CNTN3: variants seen among roughly 807,000 people sequenced by gnomAD.
CNTN3 encodes the protein contactin-3.
In CNTN3, 60 loss-of-function variants were observed where a neutral mutation model predicts 119.1. The observed-to-expected ratio is 0.50, with a 90% CI of 0.41 to 0.62. The LOEUF (loss-of-function observed/expected upper bound fraction) is 0.62. Ranked by LOEUF, CNTN3 falls within the 20% of genes least tolerant of loss-of-function variation. CNTN3 has a pLI of 0.00. For synonymous variants in CNTN3, 450 were observed against 438.7 expected (o/e 1.03, Z -0.32); for missense variants, 1,101 against 1,242.4 (o/e 0.89, Z 1.71).
intron 2 of CNTN3, among the ~76,000 whole-genome samples, chr3:74,516,921 C>T (rs1460043990): frequency 6.6e-6 from 1 of 151,826 alleles, no homozygotes; most frequent in African/African-American, 2.4e-5. Flanking sequence ...TAAAAGGGAC[C>T]TTTACCAAAT....
Position 74,348,236 on chromosome 3 carries a change from A to G in CNTN3, c.1365-11578T>C, listed in dbSNP as rs189006294. 8.7e-3 allele frequency among the ~76,000 whole-genome samples: 1,332 copies of G among 152,338 alleles called. 20 individuals carry two copies. The highest frequency in any genetic ancestry group is 0.029 in the African/African-American group (1,194 of 41,574). On this transcript the variant is annotated intron_variant, in intron 11 of 22. Transcript: ENST00000263665. ...AACTATGTGCGGTGATAGATATGAT[A>G]TGATAATTAGCTTGATTGTGGTATT... is the stretch of plus-strand genomic sequence containing the variant.
At chr3:74,368,843 T>C (rs769025723) in intron 8 of CNTN3, among the ~76,000 whole-genome samples, 4 of 151,620 alleles carry the variant, frequency 2.6e-5, no homozygotes, top group Non-Finnish European at 5.9e-5. Flanking sequence ...CAAAGAAAGA[T>C]ACAAAACCTG....
chr3:74,310,443 G>T (rs951263545), intron 13 of CNTN3, among the ~76,000 whole-genome samples: 8 of 152,112 alleles, frequency 5.3e-5, no homozygotes, highest in African/African-American at 1.2e-4. Flanking sequence ...TTCACTAGGT[G>T]GGGGGCTTGA....
At chr3:74,555,312 T>G (rs184791159) in intron 1 of CNTN3, among the ~76,000 whole-genome samples, 6 of 152,340 alleles carry the variant, frequency 3.9e-5, no homozygotes, top group Admixed American at 3.9e-4. Context: ...GGATTTGGTT[T>G]GCCAGTATTT....
chr3:74,307,989 C>A (rs2106830795), intron 13 of CNTN3, among the ~76,000 whole-genome samples: 1 of 152,318 alleles, frequency 6.6e-6, no homozygotes, highest in East Asian at 1.9e-4. Flanking sequence ...CATTCCTTCA[C>A]TGGGTTGCCT....
chr3:74,357,490 T>C (rs1248465226), intron 11 of CNTN3, among the ~76,000 whole-genome samples: 1 of 151,648 alleles, frequency 6.6e-6, no homozygotes, highest in Non-Finnish European at 1.5e-5. Context: ...TCCATGTTGG[T>C]TGGGCTGGTC....
chr3:74,345,738 T>C (rs1703674523), intron 11 of CNTN3, among the ~76,000 whole-genome samples: 1 of 152,234 alleles, frequency 6.6e-6, no homozygotes, highest in Admixed American at 6.5e-5. Flanking sequence ...GTTGTGTATC[T>C]CCTTATCACA....
At chr3:74,563,534 C>A (rs1311484204) in intron 1 of CNTN3, among the ~76,000 whole-genome samples, 3 of 152,064 alleles carry the variant, frequency 2.0e-5, no homozygotes, top group Non-Finnish European at 4.4e-5. Context: ...TAAGTTCTTA[C>A]AAATAAGAAC....
rs377314487 is a variant in CNTN3 at position 74,267,453 on chromosome 3, AT to A, written c.2705-76del. On this transcript the variant is annotated intron_variant, in intron 20 of 22. Transcript: ENST00000263665. ...ATTTTACACGGAGGAGATGGCGGCT[AT>A]CATAGGAAGCTAGTGGAAGTAGAAC... 2.7e-4 allele frequency: 280 copies of A among 1,021,216 alleles called. 1 individual carries two copies. The African/African-American group carries it at 4.1e-3, about 15-fold the overall frequency. The allele number at this position is 1,021,216 out of a possible 1,614,324, so 63.3% of individuals were successfully genotyped here.
rs192088567 is a variant in CNTN3 at position 74,549,449 on chromosome 3, C to G, written c.-80-28257G>C. Among the ~76,000 whole-genome samples the G allele has an allele frequency of 6.8e-4, 103 of 152,128 alleles. 1 individual carries two copies. In the East Asian group the frequency reaches 0.019, roughly 28 times the overall value. On this transcript the variant is annotated intron_variant, in intron 1 of 22. Coordinates refer to ENST00000263665, the MANE Select transcript of CNTN3 (RefSeq NM_020872.3). ...GTGGGAGAATGGACTGATACACAGA[C>G]CAAATGAGCAACATAGGGCAAGTAT...
chr3:74,471,788 T>C (rs1308504255), intron 4 of CNTN3, among the ~76,000 whole-genome samples: 1 of 152,184 alleles, frequency 6.6e-6, no homozygotes, highest in Non-Finnish European at 1.5e-5. Context: ...AGATGGATCG[T>C]GGGGAAATGG....
intron 8 of CNTN3, among the ~76,000 whole-genome samples, chr3:74,368,520 T>G (rs542082727): frequency 1.3e-5 from 2 of 152,134 alleles, no homozygotes; most frequent in South Asian, 4.1e-4. Flanking sequence ...CTAAGTCATG[T>G]TTTCATCAAA....
At chr3:74,485,500 C>T (rs140039505) in intron 4 of CNTN3, among the ~76,000 whole-genome samples, 1 of 151,896 alleles carries the variant, frequency 6.6e-6, no homozygotes, top group Non-Finnish European at 1.5e-5. Flanking sequence ...GCAAAGCCAA[C>T]CCTTGCCATT....
At chr3:74,285,823 A>ATC in intron 19 of CNTN3, among the ~76,000 whole-genome samples, 1 of 133,090 alleles carries the variant, frequency 7.5e-6, no homozygotes, top group East Asian at 2.3e-4. Context: ...ATATATATAT[A>ATC]TATATATATA....
intron 5 of CNTN3, among the ~76,000 whole-genome samples, chr3:74,423,545 T>C (rs888087698): frequency 6.6e-5 from 10 of 152,156 alleles, no homozygotes; most frequent in Non-Finnish European, 1.5e-4. Flanking sequence ...GTGGTGTATC[T>C]CTTCGTAAAA....
intron 1 of CNTN3, among the ~76,000 whole-genome samples, chr3:74,591,762 A>C (rs1376847025): frequency 6.6e-6 from 1 of 151,932 alleles, no homozygotes; most frequent in African/African-American, 2.4e-5. Flanking sequence ...GCAAGAAGCT[A>C]TGTCTGGGAA....
At chr3:74,479,752 A>G (rs1368034737) in intron 4 of CNTN3, among the ~76,000 whole-genome samples, 1 of 152,122 alleles carries the variant, frequency 6.6e-6, no homozygotes, top group Admixed American at 6.6e-5. Flanking sequence ...GATCCCAGAA[A>G]GACAATTTTG....
At chr3:74,369,813 G>T in intron 7 of CNTN3, 76 bp downstream of exon 7, 1 of 749,742 alleles carries the variant, frequency 1.3e-6, no homozygotes, top group Non-Finnish European at 2.2e-6. Flanking sequence ...AAAAAGAAGA[G>T]TCTCTCAAAA....
chr3:74,589,487 G>T (rs1232323185), intron 1 of CNTN3, among the ~76,000 whole-genome samples: 2 of 147,394 alleles, frequency 1.4e-5, no homozygotes, highest in East Asian at 2.0e-4. Context: ...GGAGAAATAG[G>T]AACACTTTGA....
Sources: allele counts gnomAD v4.1 joint callset (sites outside exome capture counted in the v4.1 genomes callset), GRCh38; gene constraint gnomAD v4.1.1; transcripts MANE v1.5; gene names NCBI Gene and HGNC (gene_info 2026-07-23, HGNC 2026-07-21).